Variants in PTPN3 observed in about 807,000 individuals in gnomAD.
PTPN3 encodes protein tyrosine phosphatase non-receptor type 3, also known as tyrosine-protein phosphatase non-receptor type 3.
Under a neutral mutation model 132.7 loss-of-function variants are expected in PTPN3, and 96 were observed. That is an observed-to-expected ratio of 0.72 (90% CI 0.61 to 0.86). PTPN3 has a LOEUF of 0.86. PTPN3 is among the 40% of genes least tolerant of loss of function. The pLI is 0.00. For synonymous variants in PTPN3, 398 were observed against 429.0 expected, an observed-to-expected ratio of 0.93 and a Z score of 0.89; for missense variants, 1,125 against 1,159.6, an observed-to-expected ratio of 0.97 and a Z score of 0.43.
intron 1 of PTPN3, among the ~76,000 whole-genome samples, chr9:109,484,739 G>T (rs973717339): frequency 6.6e-6 from 1 of 152,142 alleles, no homozygotes; most frequent in Non-Finnish European, 1.5e-5. Flanking sequence ...ATCTACCTGG[G>T]ACTTGCTTCT....
the PTPN3 span, among the ~76,000 whole-genome samples, chr9:109,527,995 A>G: frequency 6.6e-6 from 1 of 152,228 alleles, no homozygotes; most frequent in African/African-American, 2.4e-5. Context: ...AATAATTAAT[A>G]AGCAAATGAA....
intron 1 of PTPN3, among the ~76,000 whole-genome samples, chr9:109,474,507 G>A (rs1013321368): frequency 2.6e-5 from 4 of 152,128 alleles, no homozygotes; most frequent in Non-Finnish European, 5.9e-5. Flanking sequence ...ACCAGGGTGG[G>A]GTGGGTGTCA....
chr9:109,499,799 T>C (rs1273496002), upstream of PTPN3, among the ~76,000 whole-genome samples: 3 of 152,090 alleles, frequency 2.0e-5, no homozygotes, highest in Non-Finnish European at 4.4e-5. Flanking sequence ...GTGCATCGCG[T>C]CGGGGGGATT....
At chr9:109,459,408 G>A (rs1055701708) in intron 2 of PTPN3, among the ~76,000 whole-genome samples, 2 of 152,242 alleles carry the variant, frequency 1.3e-5, no homozygotes, top group Admixed American at 6.5e-5. Flanking sequence ...ACTCCAAGTT[G>A]CAACCAGGCC....
chr9:109,454,385 TAGTTACACCCAAATGA>T, intron 5 of PTPN3, 95 bp downstream of exon 5: 1 of 879,924 alleles, frequency 1.1e-6, no homozygotes, highest in Admixed American at 2.0e-5. Flanking sequence ...ATTGTTGGTG[TAGTTACACCCAAATGA>T]AGTTATTTGG....
At chr9:109,435,563 G>A (rs1370512504) in intron 9 of PTPN3, among the ~76,000 whole-genome samples, 4 of 152,190 alleles carry the variant, frequency 2.6e-5, no homozygotes, top group African/African-American at 9.7e-5. Flanking sequence ...ATGATATGAA[G>A]CTATGGAGAT....
chr9:109,437,265 T>G (rs1844123842), intron 8 of PTPN3, among the ~76,000 whole-genome samples: 1 of 152,216 alleles, frequency 6.6e-6, no homozygotes, highest in Non-Finnish European at 1.5e-5. Context: ...GCCCTAATTA[T>G]TCCAAGTTGC....
At chr9:109,425,051 C>T (rs1325274232) in intron 12 of PTPN3, among the ~76,000 whole-genome samples, 1 of 152,186 alleles carries the variant, frequency 6.6e-6, no homozygotes, top group Non-Finnish European at 1.5e-5. Context: ...TCAGGCCCAA[C>T]CTAAGTCAAT....
At chr9:109,537,323 T>G in the PTPN3 span, among the ~76,000 whole-genome samples, 1 of 152,184 alleles carries the variant, frequency 6.6e-6, no homozygotes, top group Non-Finnish European at 1.5e-5. Flanking sequence ...CCTCAACTTC[T>G]TACGCTTAAA....
At chr9:109,479,456 G>T (rs1184158924) in intron 1 of PTPN3, among the ~76,000 whole-genome samples, 3 of 152,200 alleles carry the variant, frequency 2.0e-5, no homozygotes, top group African/African-American at 7.2e-5. Context: ...ATTGTGAATG[G>T]TGTTGCAATG....
intron 13 of PTPN3, 104 bp downstream of exon 13, chr9:109,422,614 G>A (rs1316130787): frequency 2.3e-6 from 3 of 1,319,978 alleles, no homozygotes; most frequent in Non-Finnish European, 3.1e-6. Context: ...AATGCAAATT[G>A]TAGGTCATCT....
chr9:109,520,407 AG>A, the PTPN3 span, among the ~76,000 whole-genome samples: 2 of 152,236 alleles, frequency 1.3e-5, no homozygotes, highest in African/African-American at 4.8e-5. Flanking sequence ...AAAGAAAGAA[AG>A]AAATGGAAAG....
chr9:109,527,445 A>T, the PTPN3 span, among the ~76,000 whole-genome samples: 1 of 152,260 alleles, frequency 6.6e-6, no homozygotes. Context: ...TGGATAACGG[A>T]GCGAGACACT....
In PTPN3 at chr9:109,428,695, TAAAAC is replaced by T. The variant is rs1564431340; in HGVS notation, c.765-16_765-12del. ...TTGAGAATGTTCACCCTTCAAAAAA[TAAAAC>T]AAAACACAAACAAAGCACATCAGGG... On this transcript the variant is annotated splice_polypyrimidine_tract_variant and intron_variant, in intron 10 of 25. Transcript: ENST00000374541. The T allele has an allele frequency of 3.1e-6, 5 of 1,611,202 alleles. No homozygotes were observed. Among genetic ancestry groups the T allele is most frequent in the Middle Eastern group, 1.6e-4 (1 of 6,078 alleles).
chr9:109,499,533 G>T (rs1228327995), upstream of PTPN3, among the ~76,000 whole-genome samples: 1 of 151,900 alleles, frequency 6.6e-6, no homozygotes, highest in African/African-American at 2.4e-5. Context: ...TGGGGCTGTA[G>T]CTCTGCTTGT....
the PTPN3 span, among the ~76,000 whole-genome samples, chr9:109,523,423 T>G: frequency 3.2e-4 from 49 of 152,218 alleles, no homozygotes; most frequent in Non-Finnish European, 6.0e-4. Flanking sequence ...CTATATCATT[T>G]TTTTAAACAG....
intron 4 of PTPN3, among the ~76,000 whole-genome samples, chr9:109,455,873 A>G (rs940279434): frequency 1.3e-5 from 2 of 152,218 alleles, no homozygotes; most frequent in Non-Finnish European, 2.9e-5. Flanking sequence ...ACCTTGCCAC[A>G]GTCTGAGCTC....
rs950403202 is a variant in PTPN3, at chr9:109,463,578, T to C, written c.-17-127A>G. The C allele has an allele frequency of 3.6e-5, 27 of 756,050 alleles. No homozygotes were observed. In the South Asian group the frequency reaches 6.2e-4, roughly 17 times the overall value. The allele number at this position is 756,050 out of a possible 1,614,324, so 46.8% of individuals were successfully genotyped here. A position where few individuals can be genotyped will look rare whatever the true frequency, so the allele number is the denominator to read the frequency against. On this transcript the variant is annotated intron_variant, in intron 1 of 25. Coordinates refer to ENST00000374541, the MANE Select transcript of PTPN3 (RefSeq NM_002829.4). ...GGACTCACAGATAATGAGAACTACA[T>C]AGCAGATCATGTTTCCAATTGAGTT...
Position 109,391,531 on chromosome 9 carries a change from T to C in PTPN3, c.1984A>G (p.Ile662Val), listed in dbSNP as rs756685970. 6.2e-7 allele frequency: 1 copy of C among 1,614,022 alleles called. No homozygotes were observed. Among genetic ancestry groups the C allele is most frequent in the Admixed American group, 1.7e-5 (1 of 59,976 alleles). ...TTTTGAGGCAGCTTTGCAAACGTGA[T>C]GGCCAAACCTGGCTTTTTTCTGTAG... is the stretch of plus-strand genomic sequence containing the variant. The part of the protein sequence containing the change: ...QLYRKKPGLA[I>V]TFAKLPQNLD... The change falls in exon 20 of 26, where the codon ATC (isoleucine) becomes GTC (valine). Residue 662 changes from isoleucine (I) to valine (V), a missense_variant. Physicochemically the swap from Ile to Val is conservative, Grantham distance 29. Transcript: ENST00000374541.
Sources: gnomAD v4.1 joint callset for allele counts (sites outside exome capture counted in the v4.1 genomes callset) on GRCh38, gnomAD v4.1.1 for gene constraint, MANE v1.5 for transcripts, NCBI Gene and HGNC (gene_info 2026-07-23, HGNC 2026-07-21) for gene names.